The following DTNB variants were observed in gnomAD, a reference collection of about 807,000 sequenced individuals.
DTNB encodes the protein dystrobrevin beta, also known as DTN-B.
A neutral mutation model predicts 90.7 loss-of-function variants in DTNB; 63 were observed. The ratio of observed to expected loss-of-function variants is 0.69; its 90% CI spans 0.57 to 0.86. DTNB has a LOEUF of 0.86. Ranked by LOEUF, DTNB falls within the 40% of genes least tolerant of loss-of-function variation. The pLI is 0.00. For synonymous variants in DTNB, 277 were observed against 286.7 expected, an observed-to-expected ratio of 0.97 and a Z score of 0.34; for missense variants, 744 against 807.1, an observed-to-expected ratio of 0.92 and a Z score of 0.95.
chr2:25,486,917 A>G (rs374008514), intron 9 of DTNB, among the ~76,000 whole-genome samples: 1 of 152,210 alleles, frequency 6.6e-6, no homozygotes, highest in East Asian at 1.9e-4. Flanking sequence ...ATTGAGTTTC[A>G]TGATACTGAA....
At chr2:25,642,542 C>A (rs970898847) in intron 2 of DTNB, among the ~76,000 whole-genome samples, 1 of 151,950 alleles carries the variant, frequency 6.6e-6, no homozygotes, top group African/African-American at 2.4e-5. Flanking sequence ...TCCTGAGTAG[C>A]TGGGACCACA....
At chr2:25,672,203 CAAAAAAAAAAAAAAA>C (rs5829985) in intron 1 of DTNB, among the ~76,000 whole-genome samples, 151 of 42,484 alleles carry the variant, frequency 3.6e-3, no homozygotes, top group South Asian at 0.016. Context: ...CCTCGCATAG[CAAAAAAAAAAAAAAA>C]AAAAAAAAAA....
intron 12 of DTNB, among the ~76,000 whole-genome samples, chr2:25,437,901 G>T (rs2056367649): frequency 6.6e-6 from 1 of 152,050 alleles, no homozygotes; most frequent in South Asian, 2.1e-4. Flanking sequence ...AGAAAAATAA[G>T]AAACCCAAAA....
intron 9 of DTNB, among the ~76,000 whole-genome samples, chr2:25,487,896 T>C (rs935264909): frequency 2.0e-5 from 3 of 152,200 alleles, no homozygotes; most frequent in Admixed American, 6.5e-5. Flanking sequence ...CTGAACTTTA[T>C]ATTGCAGGCA....
At chr2:25,534,521 G>A (rs574416380) in intron 8 of DTNB, among the ~76,000 whole-genome samples, 16 of 151,870 alleles carry the variant, frequency 1.1e-4, no homozygotes, top group East Asian at 5.8e-4. Flanking sequence ...CTGTCTCTTC[G>A]GAGCTGCTGG....
intron 8 of DTNB, among the ~76,000 whole-genome samples, chr2:25,564,063 G>A (rs1007936305): frequency 4.6e-5 from 7 of 151,978 alleles, no homozygotes; most frequent in Admixed American, 3.3e-4. Context: ...TACCACGCCC[G>A]GCTAATTTTT....
intron 10 of DTNB, among the ~76,000 whole-genome samples, chr2:25,478,801 T>C (rs780546318): frequency 6.6e-6 from 1 of 152,178 alleles, no homozygotes. Context: ...CAAGAATCCT[T>C]CCTTGCGTTT....
intron 16 of DTNB, among the ~76,000 whole-genome samples, chr2:25,391,078 C>T (rs1025440404): frequency 3.3e-5 from 5 of 151,412 alleles, no homozygotes; most frequent in East Asian, 3.9e-4. Flanking sequence ...TTGTATTTTT[C>T]GTAGAGACAG....
At chr2:25,580,228 G>A (rs1572885420) in intron 7 of DTNB, among the ~76,000 whole-genome samples, 1 of 151,930 alleles carries the variant, frequency 6.6e-6, no homozygotes, top group African/African-American at 2.4e-5. Flanking sequence ...TGATCCACCC[G>A]CTTCGGCCTC....
At chr2:25,509,679 T>A (rs2073459638) in intron 9 of DTNB, among the ~76,000 whole-genome samples, 1 of 151,966 alleles carries the variant, frequency 6.6e-6, no homozygotes, top group African/African-American at 2.4e-5. Context: ...TTTTAGTATC[T>A]TTTCTTTGTC....
At chr2:25,600,695 T>C (rs1286583975) in intron 5 of DTNB, among the ~76,000 whole-genome samples, 3 of 152,180 alleles carry the variant, frequency 2.0e-5, no homozygotes, top group Admixed American at 1.3e-4. Flanking sequence ...CATTAATATA[T>C]ATATGTATAG....
chr2:25,612,434 G>T (rs2068885351), intron 4 of DTNB, among the ~76,000 whole-genome samples: 1 of 152,056 alleles, frequency 6.6e-6, no homozygotes, highest in South Asian at 2.1e-4. Context: ...ATGAAATGGT[G>T]GGTAATTTCA....
chr2:25,447,044 T>C (rs1200622333), intron 12 of DTNB, among the ~76,000 whole-genome samples: 1 of 152,270 alleles, frequency 6.6e-6, no homozygotes, highest in Admixed American at 6.5e-5. Flanking sequence ...AACTTTTGTT[T>C]TAAAAATCTG....
chr2:25,397,723 T>C (rs2042752889), intron 16 of DTNB, among the ~76,000 whole-genome samples: 1 of 151,746 alleles, frequency 6.6e-6, no homozygotes, highest in African/African-American at 2.4e-5. Context: ...CTACTAAACA[T>C]ACAAAAATTA....
At chr2:25,378,229 T>A (rs1558774936) in intron 20 of DTNB, among the ~76,000 whole-genome samples, 1 of 152,128 alleles carries the variant, frequency 6.6e-6, no homozygotes, top group Non-Finnish European at 1.5e-5. Flanking sequence ...TAGGCTTGCT[T>A]GGGAAAGGGC....
intron 1 of DTNB, among the ~76,000 whole-genome samples, chr2:25,661,957 C>A (rs537657698): frequency 6.6e-6 from 1 of 151,974 alleles, no homozygotes; most frequent in African/African-American, 2.4e-5. Flanking sequence ...GAGTTGGAGA[C>A]CAGCCTGCCC....
chr2:25,518,871 T>G (rs2150770837), intron 9 of DTNB, among the ~76,000 whole-genome samples: 1 of 152,296 alleles, frequency 6.6e-6, no homozygotes, highest in East Asian at 1.9e-4. Flanking sequence ...TTCTAGGTTT[T>G]CAAATTCATC....
chr2:25,508,499 G>GTT (rs1180516635), intron 9 of DTNB, among the ~76,000 whole-genome samples: 1 of 132,424 alleles, frequency 7.6e-6, no homozygotes, highest in African/African-American at 3.0e-5. Context: ...TTTCTTTTTT[G>GTT]TTTGTTTTTT....
At position 25,592,914 on chromosome 2, in the gene DTNB, A is replaced by G. The variant is rs2063826111; in HGVS notation, c.603+3172T>C. Among the ~76,000 whole-genome samples, 3 of 152,322 alleles carry G rather than the reference A, an allele frequency of 2.0e-5. No homozygotes were observed. In the South Asian group the frequency reaches 6.2e-4, roughly 32 times the overall value. ...GTCGGATGGTGTCTTTCAGCCTTCA[A>G]TCCTGAGCCACTGATTTCCTTCTTC... On this transcript the variant is annotated intron_variant, in intron 6 of 20. Transcript: ENST00000406818.
Sources: gnomAD v4.1 joint callset for allele counts (sites outside exome capture counted in the v4.1 genomes callset) on GRCh38, gnomAD v4.1.1 for gene constraint, MANE v1.5 for transcripts, NCBI Gene and HGNC (gene_info 2026-07-23, HGNC 2026-07-21) for gene names.